The following TBXAS1 variants were observed in gnomAD, a reference collection of about 807,000 sequenced individuals.
The protein encoded by TBXAS1 is thromboxane A synthase 1.
TBXAS1 carries 48 observed loss-of-function variants against 60.7 expected under a neutral mutation model. The observed-to-expected ratio is 0.79, with a 90% CI of 0.63 to 1.01. The LOEUF (loss-of-function observed/expected upper bound fraction) is 1.01, where lower values mean the gene tolerates loss of function less well. Among genes scored for constraint, TBXAS1 ranks in the 50% least tolerant of loss-of-function variants. The pLI is 0.00. For missense variants in TBXAS1, 685 were observed against 686.3 expected (o/e 1.00, Z 0.02); for synonymous variants, 287 against 269.7 (o/e 1.06, Z -0.63).
chr7:139,903,335 C>T (rs1166565222), intron 3 of TBXAS1, among the ~76,000 whole-genome samples: 1 of 152,056 alleles, frequency 6.6e-6, no homozygotes, highest in Non-Finnish European at 1.5e-5. Flanking sequence ...TTTCTTTATC[C>T]ACTCATTGAC....
chr7:139,819,658 A>G (rs1798244131), intron 4 of TBXAS1, among the ~76,000 whole-genome samples: 1 of 152,094 alleles, frequency 6.6e-6, no homozygotes, highest in Non-Finnish European at 1.5e-5. Flanking sequence ...GCACGCCACC[A>G]TGCCCGGCTA....
intron 9 of TBXAS1, among the ~76,000 whole-genome samples, chr7:139,986,787 GTGTGTGTGTGTGTATATATATATATA>G (rs770276683): frequency 2.9e-4 from 25 of 86,290 alleles, no homozygotes; most frequent in East Asian, 2.5e-3. Context: ...GTGTGTGTGT[GTGTGTGTGTGTGTATATATATATATA>G]TATACACCAT....
chr7:139,838,767 A>G (rs993743405), intron 1 of TBXAS1, among the ~76,000 whole-genome samples: 3 of 152,202 alleles, frequency 2.0e-5, no homozygotes, highest in Non-Finnish European at 2.9e-5. Flanking sequence ...CATTTGATTT[A>G]AACCGACCAG....
intron 1 of TBXAS1, among the ~76,000 whole-genome samples, chr7:139,870,582 A>G (rs1403393863): frequency 6.6e-6 from 1 of 152,228 alleles, no homozygotes; most frequent in Admixed American, 6.5e-5. Flanking sequence ...ACACTAATGA[A>G]GAGGAGTGTT....
rs149947877 is a variant in TBXAS1, at chr7:139,979,213, A to G, written c.1134+16980A>G. Among the ~76,000 whole-genome samples, 6 of 152,272 alleles carry G rather than the reference A, an allele frequency of 3.9e-5. No homozygotes were observed. The East Asian group carries it at 1.2e-3, about 29-fold the overall frequency. ...CCGGAGCCAGGTCTCTGTCACGGTG[A>G]TGAGAAGTTCCCAAAGTCATTTCTC... On this transcript the variant is annotated intron_variant, in intron 9 of 12. Transcript: ENST00000448866.
chr7:139,922,388 C>T (rs1227252667), intron 4 of TBXAS1, among the ~76,000 whole-genome samples: 2 of 151,776 alleles, frequency 1.3e-5, no homozygotes, highest in Non-Finnish European at 2.9e-5. Flanking sequence ...AGGCGTGAGC[C>T]ACCGCGCCCA....
intron 3 of TBXAS1, among the ~76,000 whole-genome samples, chr7:139,883,555 G>C (rs909723674): frequency 1.3e-5 from 2 of 152,136 alleles, no homozygotes; most frequent in African/African-American, 4.8e-5. Context: ...TCTTCTTTGG[G>C]TAGAAGCATC....
At chr7:139,849,304 A>G (rs895623465) in intron 1 of TBXAS1, among the ~76,000 whole-genome samples, 6 of 151,496 alleles carry the variant, frequency 4.0e-5, no homozygotes, top group African/African-American at 1.2e-4. Flanking sequence ...AGTTGAGCCC[A>G]GGATGTGGAT....
intron 3 of TBXAS1, among the ~76,000 whole-genome samples, chr7:139,897,685 G>T (rs1804218411): frequency 6.6e-6 from 1 of 152,184 alleles, no homozygotes; most frequent in Non-Finnish European, 1.5e-5. Flanking sequence ...ACTCCTGAAA[G>T]GGGAGGGGCT....
At chr7:139,958,797 C>T (rs1379650235) in intron 8 of TBXAS1, among the ~76,000 whole-genome samples, 4 of 152,234 alleles carry the variant, frequency 2.6e-5, no homozygotes, top group African/African-American at 9.6e-5. Context: ...GCCCACACCA[C>T]TGTGAACTCA....
chr7:139,856,750 AAGGAC>A (rs1800610189), intron 1 of TBXAS1, among the ~76,000 whole-genome samples: 1 of 152,176 alleles, frequency 6.6e-6, no homozygotes. Context: ...AAGTGAAGCA[AAGGAC>A]AGGAAAACCC....
rs553367469 is a variant in TBXAS1 at position 139,906,354 on chromosome 7, C to T, written c.237-4871C>T. Among the ~76,000 whole-genome samples the T allele has an allele frequency of 3.3e-5, 5 of 152,240 alleles. 1 individual carries two copies. The highest frequency in any genetic ancestry group is 6.8e-3 in the Middle Eastern group (2 of 294). ...TACAGGCGCGATCCACTATGCCTGG[C>T]CTACTCTAGCATCTTTTGTTGAAAA... On this transcript the variant is annotated intron_variant, in intron 3 of 12. Transcript: ENST00000448866.
intron 1 of TBXAS1, among the ~76,000 whole-genome samples, chr7:139,862,687 A>G (rs1256637315): frequency 6.6e-6 from 1 of 152,262 alleles, no homozygotes; most frequent in Non-Finnish European, 1.5e-5. Flanking sequence ...AAATCAATGC[A>G]ACAGGAAGGA....
At position 139,862,490 on chromosome 7, in the gene TBXAS1, G is replaced by T. The variant is rs184939132; in HGVS notation, c.90-9745G>T. ...GTGGGTACAGAAGCTTAGTTGGAGTGGGGGGAGGAGAGACTAAGGGCACAG... is the reference window on the plus strand; with the variant it reads ...GTGGGTACAGAAGCTTAGTTGGAGTTGGGGGAGGAGAGACTAAGGGCACAG... On this transcript the variant is annotated intron_variant, in intron 1 of 12. Transcript: ENST00000448866. 6.3e-3 allele frequency among the ~76,000 whole-genome samples: 958 copies of T among 152,254 alleles called. 14 individuals are homozygous for T. Among genetic ancestry groups the T allele is most frequent in the African/African-American group, 0.022 (909 of 41,558 alleles).
At chr7:139,878,607 G>A (rs910391050) in intron 3 of TBXAS1, among the ~76,000 whole-genome samples, 2 of 152,172 alleles carry the variant, frequency 1.3e-5, no homozygotes, top group African/African-American at 4.8e-5. Context: ...AAATGAAAGG[G>A]TTGAACCAAT....
intron 9 of TBXAS1, among the ~76,000 whole-genome samples, chr7:139,985,759 T>A (rs1442540201): frequency 6.6e-6 from 1 of 152,196 alleles, no homozygotes; most frequent in Admixed American, 6.5e-5. Context: ...AGACCCACTA[T>A]AGCATCCCCC....
intron 4 of TBXAS1, among the ~76,000 whole-genome samples, chr7:139,805,694 CTTT>C (rs1569492481): frequency 3.2e-5 from 1 of 30,820 alleles, no homozygotes; most frequent in African/African-American, 1.5e-4. Flanking sequence ...TTCTTTCTTT[CTTT>C]CTTTCTTTCT....
chr7:140,007,877 G>A (rs1017373459), intron 10 of TBXAS1, among the ~76,000 whole-genome samples: 2 of 152,202 alleles, frequency 1.3e-5, no homozygotes, highest in East Asian at 1.9e-4. Context: ...CCAACCAGCC[G>A]GTCACACCAA....
intron 1 of TBXAS1, among the ~76,000 whole-genome samples, chr7:139,834,054 A>G (rs1228143620): frequency 1.3e-5 from 2 of 152,368 alleles, no homozygotes; most frequent in African/African-American, 4.8e-5. Context: ...CGACCATATG[A>G]TAGGCCATAA....
Sources: gnomAD v4.1 joint callset for allele counts (sites outside exome capture counted in the v4.1 genomes callset) on GRCh38, gnomAD v4.1.1 for gene constraint, MANE v1.5 for transcripts, NCBI Gene and HGNC (gene_info 2026-07-23, HGNC 2026-07-21) for gene names.